Variants in PCSK5 observed in about 807,000 individuals in gnomAD.
PCSK5 encodes proprotein convertase subtilisin/kexin type 5.
In PCSK5, 129 loss-of-function variants were observed where a neutral mutation model predicts 233.2. The observed-to-expected ratio is 0.55, with a 90% CI of 0.48 to 0.64. The LOEUF (loss-of-function observed/expected upper bound fraction) is 0.64, where lower values mean the gene tolerates loss of function less well. Ranked by LOEUF, PCSK5 falls within the 30% of genes least tolerant of loss-of-function variation. The pLI is 0.00. For missense variants in PCSK5, 2,076 were observed against 2,430.1 expected (o/e 0.85, Z 3.06); for synonymous variants, 825 against 879.2 (o/e 0.94, Z 1.09).
At chr9:76,014,611 T>A (rs1328904355) in intron 3 of PCSK5, among the ~76,000 whole-genome samples, 1 of 152,158 alleles carries the variant, frequency 6.6e-6, no homozygotes. Context: ...ATCCCTGAGC[T>A]CCTCCTGACA....
At chr9:76,299,639 T>G (rs527758904) in intron 27 of PCSK5, among the ~76,000 whole-genome samples, 1 of 151,780 alleles carries the variant, frequency 6.6e-6, no homozygotes, top group African/African-American at 2.4e-5. Context: ...GCCACAGCAC[T>G]CCAGCCTGGG....
Position 75,935,366 on chromosome 9 carries a change from C to T in PCSK5, c.297+2883C>T, listed in dbSNP as rs1824005791. On this transcript the variant is annotated intron_variant, in intron 2 of 37. Transcript: ENST00000674117. ...ACAGGCGTGAGCCACTGAGCCCGGC[C>T]GATATTCACATGTATACGTATGTAA... 3.3e-5 allele frequency among the ~76,000 whole-genome samples: 5 copies of T among 152,164 alleles called. No homozygotes were observed. In the South Asian group the frequency reaches 8.3e-4, roughly 25 times the overall value.
At chr9:76,334,519 T>C (rs1829622878) in intron 34 of PCSK5, among the ~76,000 whole-genome samples, 1 of 151,782 alleles carries the variant, frequency 6.6e-6, no homozygotes, top group South Asian at 2.1e-4. Context: ...GGAGGTGAGG[T>C]TAGGAGTTTG....
chr9:76,181,701 A>G, intron 16 of PCSK5, 110 bp downstream of exon 16: 2 of 711,316 alleles, frequency 2.8e-6, no homozygotes, highest in Admixed American at 5.0e-5. Context: ...GCTTCATATC[A>G]AACAGGATCT....
At chr9:76,338,694 G>A (rs1486046879) in intron 35 of PCSK5, among the ~76,000 whole-genome samples, 1 of 152,160 alleles carries the variant, frequency 6.6e-6, no homozygotes, top group African/African-American at 2.4e-5. Context: ...CCTTGAGGAA[G>A]TATTGTTCGT....
intron 24 of PCSK5, among the ~76,000 whole-genome samples, chr9:76,280,469 C>T (rs377626452): frequency 1.1e-4 from 17 of 152,236 alleles, no homozygotes; most frequent in East Asian, 3.9e-4. Context: ...GGGCCGGACA[C>T]GGTGGCTCAC....
At chr9:76,004,906 G>A (rs1047383353) in intron 3 of PCSK5, among the ~76,000 whole-genome samples, 1 of 152,130 alleles carries the variant, frequency 6.6e-6, no homozygotes, top group African/African-American at 2.4e-5. Flanking sequence ...TTTAGGAGTG[G>A]TGTTTAAAAA....
chr9:75,964,028 A>G (rs546451408), intron 2 of PCSK5, among the ~76,000 whole-genome samples: 2 of 152,192 alleles, frequency 1.3e-5, no homozygotes, highest in Non-Finnish European at 2.9e-5. Flanking sequence ...CAGTTTCTCT[A>G]TCTGGAAAAT....
intron 24 of PCSK5, among the ~76,000 whole-genome samples, chr9:76,259,059 G>A (rs1179735357): frequency 6.6e-6 from 1 of 152,234 alleles, no homozygotes; most frequent in East Asian, 1.9e-4. Flanking sequence ...GGCGCATGAT[G>A]CTTTTACTCT....
chr9:76,310,729 C>T lies in PCSK5; in HGVS notation c.3762C>T (p.Ser1254=), dbSNP rs978646329. The stretch of plus-strand genomic sequence containing the variant: ...CATGGCCTTCCGTAAGGAGTGGGAG[C>T]TGCGAGAACTGTACGGAGGCCTGTG... ...QGTWPSVRSG[S]CENCTEACAI... Residue 1254 remains serine (S), a synonymous_variant, in exon 30 of 38, where the codon AGC becomes AGT. Transcript: ENST00000674117. 2.5e-6 allele frequency: 4 copies of T among 1,612,102 alleles called. No homozygotes were observed. In the African/African-American group the frequency reaches 5.3e-5, roughly 22 times the overall value.
At chr9:75,927,574 T>C (rs1409069794) in intron 1 of PCSK5, among the ~76,000 whole-genome samples, 1 of 152,140 alleles carries the variant, frequency 6.6e-6, no homozygotes, top group Non-Finnish European at 1.5e-5. Flanking sequence ...CTGCAAACTC[T>C]GTGCAAGGAG....
chr9:76,322,731 G>A (rs372798414), intron 31 of PCSK5, among the ~76,000 whole-genome samples: 5 of 152,136 alleles, frequency 3.3e-5, no homozygotes, highest in East Asian at 3.9e-4. Context: ...AATGCTCTTC[G>A]GGTTTTTCAA....
intron 10 of PCSK5, among the ~76,000 whole-genome samples, chr9:76,143,353 G>A (rs1823305835): frequency 6.6e-6 from 1 of 152,162 alleles, no homozygotes; most frequent in African/African-American, 2.4e-5. Context: ...CCTGCAGTTA[G>A]GAGTTCTCAT....
intron 20 of PCSK5, among the ~76,000 whole-genome samples, chr9:76,214,348 C>G (rs1473367638): frequency 6.6e-6 from 1 of 151,928 alleles, no homozygotes; most frequent in Non-Finnish European, 1.5e-5. Flanking sequence ...ACGCAGCCCA[C>G]CAGTGATTTG....
intron 20 of PCSK5, among the ~76,000 whole-genome samples, chr9:76,201,870 A>G (rs1329377675): frequency 6.6e-6 from 1 of 152,184 alleles, no homozygotes; most frequent in Non-Finnish European, 1.5e-5. Flanking sequence ...GAAGAAATAA[A>G]ATGGAGTTAT....
intron 1 of PCSK5, among the ~76,000 whole-genome samples, chr9:75,894,495 G>T (rs1428260554): frequency 1.3e-5 from 2 of 152,152 alleles, no homozygotes; most frequent in Non-Finnish European, 2.9e-5. Context: ...TCTTGCCTTT[G>T]TTCATAGAGC....
intron 24 of PCSK5, among the ~76,000 whole-genome samples, chr9:76,271,670 T>TAA (rs1191905882): frequency 4.2e-5 from 6 of 142,998 alleles, no homozygotes; most frequent in African/African-American, 1.5e-4. Context: ...ACCCCATTTC[T>TAA]AAAAAAAAAA....
At chr9:75,966,444 A>G (rs1825589651) in intron 2 of PCSK5, among the ~76,000 whole-genome samples, 1 of 152,208 alleles carries the variant, frequency 6.6e-6, no homozygotes, top group South Asian at 2.1e-4. Context: ...ATCTACTTAC[A>G]AGTAGGTTAT....
intron 15 of PCSK5, 106 bp from the exon 16 acceptor site, chr9:76,181,292 A>G: frequency 1.1e-6 from 1 of 894,234 alleles, no homozygotes; most frequent in South Asian, 1.7e-5. Context: ...CTGGTTTAAA[A>G]GTGATTTGGA....
Sources: gnomAD v4.1 joint callset for allele counts (sites outside exome capture counted in the v4.1 genomes callset) on GRCh38, gnomAD v4.1.1 for gene constraint, MANE v1.5 for transcripts, NCBI Gene and HGNC (gene_info 2026-07-23, HGNC 2026-07-21) for gene names.